THRB: variants seen among roughly 807,000 people sequenced by gnomAD.
The protein encoded by THRB is thyroid hormone receptor beta.
Under a neutral mutation model 47.8 loss-of-function variants are expected in THRB, and 12 were observed. That is an observed-to-expected ratio of 0.25 (90% CI 0.16 to 0.41). The LOEUF is 0.41. Ranked by LOEUF, THRB falls within the 10% of genes least tolerant of loss-of-function variation. The pLI, the probability that THRB is intolerant of heterozygous loss-of-function variation, is 1.00. For synonymous variants in THRB, 218 were observed against 212.2 expected (o/e 1.03, Z -0.24); for missense variants, 348 against 589.2 (o/e 0.59, Z 4.24).
intron 10 of THRB, 98 bp from the exon 11 acceptor site, chr3:24,123,223 A>G (rs2032027729): frequency 6.4e-7 from 1 of 1,559,100 alleles, no homozygotes; most frequent in South Asian, 1.1e-5. Flanking sequence ...GGGCAGATCT[A>G]GGGTCTTCCC....
At chr3:24,442,993 C>G (rs1481500981) in intron 1 of THRB, among the ~76,000 whole-genome samples, 1 of 151,762 alleles carries the variant, frequency 6.6e-6, no homozygotes, top group Non-Finnish European at 1.5e-5. Flanking sequence ...CCATCCTGGC[C>G]AACAATGGTG....
intron 5 of THRB, among the ~76,000 whole-genome samples, chr3:24,169,018 A>G (rs950882186): frequency 5.9e-5 from 9 of 152,092 alleles, no homozygotes; most frequent in African/African-American, 2.2e-4. Context: ...GGGTGCTATC[A>G]ACTAACTGTA....
In THRB at chr3:24,256,793, G is replaced by A. The variant is rs2051333819; in HGVS notation, c.-42-27792C>T. On this transcript the variant is annotated intron_variant, in intron 3 of 10. Transcript: ENST00000646209. ...GGTGAGGTTATTTGATGAGAGCAAG[G>A]GAGGACAAAGAGATGTTAGAGGGTT... Among the ~76,000 whole-genome samples the A allele has an allele frequency of 2.0e-5, 3 of 152,170 alleles. No homozygotes were observed. In the South Asian group the frequency reaches 6.2e-4, roughly 32 times the overall value.
At chr3:24,126,889 T>C (rs2032928746) in intron 10 of THRB, among the ~76,000 whole-genome samples, 1 of 152,154 alleles carries the variant, frequency 6.6e-6, no homozygotes, top group Non-Finnish European at 1.5e-5. Flanking sequence ...ACTTCTGTTT[T>C]CGTGTGCTTG....
At chr3:24,437,261 CG>C (rs1477362079) in intron 1 of THRB, among the ~76,000 whole-genome samples, 5 of 151,498 alleles carry the variant, frequency 3.3e-5, no homozygotes, top group African/African-American at 9.7e-5. Flanking sequence ...GAGGTCATTG[CG>C]TTAAGTGAAA....
intron 9 of THRB, among the ~76,000 whole-genome samples, chr3:24,128,861 C>CTTTTTTTTTT (rs2033354063): frequency 5.2e-5 from 3 of 58,248 alleles, no homozygotes; most frequent in Admixed American, 1.9e-4. Context: ...GGAAACATAA[C>CTTTTTTTTTT]TCTTTTTTTT....
chr3:24,129,342 G>C (rs2033447943), intron 9 of THRB, among the ~76,000 whole-genome samples: 1 of 152,130 alleles, frequency 6.6e-6, no homozygotes, highest in African/African-American at 2.4e-5. Flanking sequence ...TCCCACTCTT[G>C]AGAACCACTA....
rs190347283 is a variant in THRB, at chr3:24,359,835, T to C, written c.-260-22464A>G. Among the ~76,000 whole-genome samples, 228 of 152,302 alleles carry C rather than the reference T, an allele frequency of 1.5e-3. 5 individuals are homozygous for C. Among genetic ancestry groups the C allele is most frequent in the African/African-American group, 4.6e-3 (190 of 41,580 alleles). On this transcript the variant is annotated intron_variant, in intron 1 of 10. Transcript: ENST00000646209. The stretch of plus-strand genomic sequence containing the variant: ...TTCTGCTACCCACTTCTGGCCACTT[T>C]ACAGCTTGCTGGTGCCTCCACCAGA...
chr3:24,275,741 G>A (rs762033879), intron 3 of THRB, among the ~76,000 whole-genome samples: 15 of 152,176 alleles, frequency 9.9e-5, no homozygotes, highest in Non-Finnish European at 2.2e-4. Flanking sequence ...ACTGACAGGA[G>A]ACAGTGAAAT....
chr3:24,265,828 G>A (rs1454673096), intron 3 of THRB, among the ~76,000 whole-genome samples: 1 of 151,932 alleles, frequency 6.6e-6, no homozygotes, highest in African/African-American at 2.4e-5. Flanking sequence ...ATACTCATAG[G>A]GTACTGTTAG....
intron 3 of THRB, among the ~76,000 whole-genome samples, chr3:24,280,541 CA>C (rs1482667090): frequency 6.6e-6 from 1 of 152,176 alleles, no homozygotes; most frequent in African/African-American, 2.4e-5. Context: ...TCTCCTCCTC[CA>C]AAGGAATGCA....
At chr3:24,326,232 C>T (rs997802135) in intron 2 of THRB, among the ~76,000 whole-genome samples, 1 of 152,036 alleles carries the variant, frequency 6.6e-6, no homozygotes, top group Non-Finnish European at 1.5e-5. Context: ...TTAGTTACAA[C>T]TTTCTTTTTA....
In THRB at chr3:24,461,015, A is replaced by C. The variant is rs918442855; in HGVS notation, c.-261+33637T>G. The stretch of plus-strand genomic sequence containing the variant: ...TGCAGGCTAGAGGCTATGTATCTCT[A>C]AAATTTAATTCAAAACTGTATACAT... On this transcript the variant is annotated intron_variant, in intron 1 of 10. Coordinates refer to ENST00000646209, the MANE Select transcript of THRB (RefSeq NM_001354712.2). Among the ~76,000 whole-genome samples the C allele has an allele frequency of 3.9e-5, 6 of 152,332 alleles. No individual in the cohort carries two copies. The South Asian group carries it at 1.2e-3, about 32-fold the overall frequency.
chr3:24,163,460 G>T (rs2039194887), intron 5 of THRB, among the ~76,000 whole-genome samples: 1 of 152,126 alleles, frequency 6.6e-6, no homozygotes, highest in Non-Finnish European at 1.5e-5. Context: ...AAAGAGAAAA[G>T]AGCCTGAAAC....
At chr3:24,473,806 G>A (rs1025227892) in intron 1 of THRB, among the ~76,000 whole-genome samples, 2 of 152,148 alleles carry the variant, frequency 1.3e-5, no homozygotes, top group African/African-American at 2.4e-5. Context: ...GATGAAGCTG[G>A]AAACCATCAT....
At chr3:24,442,824 CAAAAAAAA>C (rs71988334) in intron 1 of THRB, among the ~76,000 whole-genome samples, 9 of 135,176 alleles carry the variant, frequency 6.7e-5, no homozygotes, top group African/African-American at 2.5e-4. Context: ...AACTCCGTCT[CAAAAAAAA>C]AAAAAAAACA....
chr3:24,339,036 G>A (rs1010779675), intron 1 of THRB, among the ~76,000 whole-genome samples: 14 of 152,176 alleles, frequency 9.2e-5, no homozygotes, highest in African/African-American at 3.4e-4. Flanking sequence ...AAGCCAGGAA[G>A]GCTTGTGTTT....
At chr3:24,159,416 A>G (rs1166386974) in intron 5 of THRB, among the ~76,000 whole-genome samples, 1 of 152,190 alleles carries the variant, frequency 6.6e-6, no homozygotes, top group Non-Finnish European at 1.5e-5. Flanking sequence ...TGATGAGGGG[A>G]ACCCAAATCC....
At chr3:24,273,859 A>G (rs2053612976) in intron 3 of THRB, among the ~76,000 whole-genome samples, 1 of 150,328 alleles carries the variant, frequency 6.7e-6, no homozygotes, top group South Asian at 2.1e-4. Context: ...TTGGATAAGG[A>G]ACTATGGGCC....
Sources: allele counts gnomAD v4.1 joint callset (sites outside exome capture counted in the v4.1 genomes callset), GRCh38; gene constraint gnomAD v4.1.1; transcripts MANE v1.5; gene names NCBI Gene and HGNC (gene_info 2026-07-23, HGNC 2026-07-21).